Variants in PLCXD2 observed in about 807,000 individuals in gnomAD.
The protein encoded by PLCXD2 is phosphatidylinositol specific phospholipase C X domain containing 2, also known as PI-PLC X domain-containing protein 2.
In PLCXD2, 21 loss-of-function variants were observed where a neutral mutation model predicts 28.6. The observed-to-expected ratio is 0.73, with a 90% CI of 0.52 to 1.06. The LOEUF (loss-of-function observed/expected upper bound fraction) is 1.06, where lower values mean the gene tolerates loss of function less well. Among genes scored for constraint, PLCXD2 ranks in the 50% least tolerant of loss-of-function variants. The pLI is 0.00. For missense variants in PLCXD2, 369 were observed against 376.7 expected (o/e 0.98, Z 0.17); for synonymous variants, 140 against 150.1 (o/e 0.93, Z 0.49).
At chr3:111,712,061 G>C (rs1304557636) in intron 2 of PLCXD2, among the ~76,000 whole-genome samples, 1 of 152,072 alleles carries the variant, frequency 6.6e-6, no homozygotes, top group Non-Finnish European at 1.5e-5. Context: ...GAGGGAGGCA[G>C]ATGCAAAACA....
intron 1 of PLCXD2, among the ~76,000 whole-genome samples, chr3:111,683,515 C>G (rs1422585719): frequency 6.6e-6 from 1 of 152,094 alleles, no homozygotes; most frequent in Non-Finnish European, 1.5e-5. Context: ...CAAAATGACC[C>G]AGCAGTTATT....
intron 3 of PLCXD2, among the ~76,000 whole-genome samples, chr3:111,717,644 C>G (rs539432410): frequency 6.6e-6 from 1 of 152,322 alleles, no homozygotes; most frequent in African/African-American, 2.4e-5. Context: ...CTCCAGGGAT[C>G]CTCCAAGGTG....
chr3:111,712,869 G>A (rs1192943908), intron 2 of PLCXD2, among the ~76,000 whole-genome samples: 4 of 152,190 alleles, frequency 2.6e-5, no homozygotes, highest in Non-Finnish European at 5.9e-5. Flanking sequence ...GAATTGGGAC[G>A]ATCAAAATAG....
intron 1 of PLCXD2, among the ~76,000 whole-genome samples, chr3:111,677,833 T>G (rs1043624295): frequency 1.3e-5 from 2 of 152,242 alleles, no homozygotes; most frequent in Non-Finnish European, 2.9e-5. Context: ...TCTAAGTGAT[T>G]ATCACTTTGA....
Position 111,708,337 on chromosome 3 carries a change from G to T in PLCXD2, c.575G>T (p.Cys192Phe), listed in dbSNP as rs766977855. ...TTTGGAAACAAGCTGTGCCCAGCCT[G>T]CAGTGTGGAAAGTTTGACGCTGCGA... Residue 192 changes from cysteine to phenylalanine, a missense_variant, in exon 2 of 5, where the codon TGC becomes TTC. Coordinates refer to ENST00000477665, the MANE Select transcript of PLCXD2 (RefSeq NM_001185106.1). 1 of 1,614,154 alleles carries T rather than the reference G, an allele frequency of 6.2e-7. No homozygotes were observed.
intron 1 of PLCXD2, among the ~76,000 whole-genome samples, chr3:111,681,711 C>T (rs553109551): frequency 3.8e-4 from 58 of 152,278 alleles, no homozygotes; most frequent in African/African-American, 1.4e-3. Context: ...CAAAACATGC[C>T]CACTGACACT....
chr3:111,708,384 C>T lies in PLCXD2; in HGVS notation c.622C>T (p.Gln208Ter), dbSNP rs769637051. 6.2e-7 allele frequency: 1 copy of T among 1,612,156 alleles called. No individual in the cohort carries two copies. ...GCGAACTCTGTGGGAGAAGAACTGC[C>T]AGGTAGGAGGGAAGGAGAGATAAGC... is the stretch of plus-strand genomic sequence containing the variant. The change falls in exon 2 of 5, where the codon CAG becomes TAG. Residue 208 changes from glutamine to a stop codon, truncating the protein, a stop_gained and splice_region_variant. Coordinates refer to ENST00000477665, the MANE Select transcript of PLCXD2 (RefSeq NM_001185106.1). LOFTEE classifies it high-confidence loss of function.
At chr3:111,683,106 G>A (rs1311344839) in intron 1 of PLCXD2, among the ~76,000 whole-genome samples, 1 of 152,190 alleles carries the variant, frequency 6.6e-6, no homozygotes, top group Non-Finnish European at 1.5e-5. Flanking sequence ...TAGAGAAAAT[G>A]TATGGGGTCT....
At chr3:111,680,853 C>G (rs959509299) in intron 1 of PLCXD2, among the ~76,000 whole-genome samples, 1 of 152,194 alleles carries the variant, frequency 6.6e-6, no homozygotes, top group African/African-American at 2.4e-5. Flanking sequence ...AATCTATGCA[C>G]CACCTCATTT....
At chr3:111,687,064 C>T (rs4481129) in intron 1 of PLCXD2, among the ~76,000 whole-genome samples, 42,691 of 152,132 alleles carry the variant, frequency 0.28, 6,660 homozygotes, top group African/African-American at 0.41. Context: ...TTAGGCAACT[C>T]TCTGAGCATC....
At chr3:111,720,573 T>C (rs1022574338) in intron 3 of PLCXD2, 150 bp from the exon 4 acceptor site, 4 of 400,040 alleles carry the variant, frequency 1.0e-5, no homozygotes, top group African/African-American at 6.2e-5. Context: ...GAAGGAGATA[T>C]AAAGCTTAAA....
chr3:111,686,886 C>T (rs559564384), intron 1 of PLCXD2, among the ~76,000 whole-genome samples: 7 of 152,232 alleles, frequency 4.6e-5, no homozygotes, highest in African/African-American at 1.7e-4. Context: ...TGACACATTC[C>T]TCTTCATTGA....
At chr3:111,710,612 C>T (rs568196984) in intron 2 of PLCXD2, among the ~76,000 whole-genome samples, 1 of 152,314 alleles carries the variant, frequency 6.6e-6, no homozygotes, top group East Asian at 1.9e-4. Flanking sequence ...GCTTCTCATG[C>T]TCTCTGAGGG....
Position 111,705,055 on chromosome 3 carries a change from G to T in PLCXD2, c.164-2871G>T, listed in dbSNP as rs546485433. Among the ~76,000 whole-genome samples the T allele has an allele frequency of 9.9e-5, 15 of 152,106 alleles. No individual in the cohort carries two copies. The East Asian group carries it at 2.9e-3, about 29-fold the overall frequency. Reference sequence around the variant, plus strand: ...TGGTCTCAAACTCCTGACCTGAAGTGATCTGCCCGCCTCGGCCTCCCAAAG... The same window carrying T: ...TGGTCTCAAACTCCTGACCTGAAGTTATCTGCCCGCCTCGGCCTCCCAAAG... On this transcript the variant is annotated intron_variant, in intron 1 of 4. Transcript: ENST00000477665.
At chr3:111,722,613 G>C (rs987920121) in intron 3 of PLCXD2, 2 of 152,224 alleles carry the variant, frequency 1.3e-5, no homozygotes, top group Non-Finnish European at 2.9e-5. Context: ...GGAAGTGGCA[G>C]CTTCTGGATT....
At chr3:111,713,804 T>C (rs997826768) in intron 2 of PLCXD2, 83 bp from the exon 3 acceptor site, 4 of 1,449,292 alleles carry the variant, frequency 2.8e-6, no homozygotes, top group Non-Finnish European at 3.7e-6. Context: ...CTTGCCTTTT[T>C]CCTAGCAGTC....
intron 1 of PLCXD2, among the ~76,000 whole-genome samples, chr3:111,688,960 A>G (rs1315173698): frequency 6.6e-6 from 1 of 152,114 alleles, no homozygotes; most frequent in Admixed American, 6.5e-5. Context: ...TAATATCATA[A>G]TAGCTACTGT....
At chr3:111,678,896 T>A (rs914291750) in intron 1 of PLCXD2, among the ~76,000 whole-genome samples, 1 of 152,196 alleles carries the variant, frequency 6.6e-6, no homozygotes, top group Non-Finnish European at 1.5e-5. Flanking sequence ...AGAAAATGTA[T>A]AAACAAGGTT....
At chr3:111,677,999 A>G (rs972733126) in intron 1 of PLCXD2, among the ~76,000 whole-genome samples, 2 of 152,168 alleles carry the variant, frequency 1.3e-5, no homozygotes, top group Non-Finnish European at 2.9e-5. Context: ...CCACATGCCC[A>G]ATCTGGGGCA....
Sources: allele counts gnomAD v4.1 joint callset (sites outside exome capture counted in the v4.1 genomes callset), GRCh38; gene constraint gnomAD v4.1.1; transcripts MANE v1.5; gene names NCBI Gene and HGNC (gene_info 2026-07-23, HGNC 2026-07-21).